KCNK10: variants seen among roughly 807,000 people sequenced by gnomAD.
The protein encoded by KCNK10 is potassium two pore domain channel subfamily K member 10.
KCNK10 carries 25 observed loss-of-function variants against 47.7 expected under a neutral mutation model. That is an observed-to-expected ratio of 0.52 (90% CI 0.38 to 0.73). The LOEUF (loss-of-function observed/expected upper bound fraction) is 0.73. Ranked by LOEUF, KCNK10 falls within the 30% of genes least tolerant of loss-of-function variation. The pLI is 0.00. For missense variants in KCNK10, 563 were observed against 714.5 expected, an observed-to-expected ratio of 0.79 and a Z score of 2.42; for synonymous variants, 303 against 285.6, an observed-to-expected ratio of 1.06 and a Z score of -0.61.
Position 88,183,298 on chromosome 14 carries a change from C to T in KCNK10, c.*2237G>A, listed in dbSNP as rs1884429581. 6.6e-6 allele frequency: 1 copy of T among 152,274 alleles called. No homozygotes were observed. The highest frequency in any genetic ancestry group is 2.1e-4 in the South Asian group (1 of 4,832). The allele number at this position is 152,274 out of a possible 1,614,324, so 9.4% of individuals were successfully genotyped here. A position where few individuals can be genotyped will look rare whatever the true frequency, so the allele number is the denominator to read the frequency against. On this transcript the variant is annotated 3_prime_UTR_variant, in exon 7 of 7. Coordinates refer to ENST00000319231, the MANE Select transcript of KCNK10 (RefSeq NM_138317.3). ...AAAGTGCCTAATCCTGTGCCTGGCC[C>T]ACAGAAGGCACTGGATAAATGAGAG...
chr14:88,205,669 C>T (rs1169942892), intron 4 of KCNK10, among the ~76,000 whole-genome samples: 1 of 151,548 alleles, frequency 6.6e-6, no homozygotes, highest in Non-Finnish European at 1.5e-5. Context: ...CTCAGCCTCC[C>T]GAGTAGCTGG....
chr14:88,281,461 G>T (rs555040578), intron 1 of KCNK10, among the ~76,000 whole-genome samples: 7 of 152,258 alleles, frequency 4.6e-5, no homozygotes, highest in Admixed American at 4.6e-4. Context: ...ACATCCTATC[G>T]GTTGGAGGCC....
intron 1 of KCNK10, among the ~76,000 whole-genome samples, chr14:88,303,114 C>T (rs1410505234): frequency 6.6e-6 from 1 of 152,132 alleles, no homozygotes; most frequent in Non-Finnish European, 1.5e-5. Flanking sequence ...TACTTCACTC[C>T]CTTCCCTGCT....
chr14:88,294,709 A>G (rs17124433), intron 1 of KCNK10, among the ~76,000 whole-genome samples: 22,596 of 152,232 alleles, frequency 0.15, 2,207 homozygotes, highest in East Asian at 0.44. Flanking sequence ...TCTTTAAAAT[A>G]CAAATTCCAG....
chr14:88,192,358 A>G lies in KCNK10; in HGVS notation c.734T>C (p.Ile245Thr). Residue 245 changes from isoleucine (I) to threonine (T), a missense_variant, in exon 5 of 7, where the codon ATC becomes ACC. Transcript: ENST00000319231. ...CACAAACACAATGCAGCCGGCCAAG[A>G]TGAACAGGATGGTTGAGATGACCCG... ...KIRVISTILF[I>T]LAGCIVFVTI... 1.2e-6 allele frequency: 2 copies of G among 1,614,144 alleles called. No individual in the cohort carries two copies. The highest frequency in any genetic ancestry group is 2.2e-5 in the East Asian group (1 of 44,872).
At chr14:88,279,364 CGTGTGT>C (rs58319931) in intron 1 of KCNK10, among the ~76,000 whole-genome samples, 26,245 of 137,442 alleles carry the variant, frequency 0.19, 2,891 homozygotes, top group East Asian at 0.45. Flanking sequence ...TTGCCAGATA[CGTGTGT>C]GTGTGTGTGT....
chr14:88,227,374 C>T lies in KCNK10; in HGVS notation c.681+1G>A. On this transcript the variant is annotated splice_donor_variant, in intron 4 of 6. Transcript: ENST00000319231. LOFTEE classifies it high-confidence loss of function. ...GAATTTAAATATGACACAGTACTCA[C>T]TCGAAAGACCTTCTCCACTCTTGCA... is the stretch of plus-strand genomic sequence containing the variant. 1 of 1,606,894 alleles carries T rather than the reference C, an allele frequency of 6.2e-7. No homozygotes were observed. Among genetic ancestry groups the T allele is most frequent in the Non-Finnish European group, 8.5e-7 (1 of 1,177,286 alleles).
chr14:88,190,569 T>A (rs1884711684), intron 5 of KCNK10, among the ~76,000 whole-genome samples: 1 of 151,974 alleles, frequency 6.6e-6, no homozygotes, highest in East Asian at 1.9e-4. Context: ...ATGGGTAGAG[T>A]CCCAGGCTAC....
chr14:88,292,721 C>A (rs1291665142), intron 1 of KCNK10, among the ~76,000 whole-genome samples: 2 of 152,098 alleles, frequency 1.3e-5, no homozygotes, highest in Non-Finnish European at 2.9e-5. Flanking sequence ...CAAAGCCCTC[C>A]CCACTTGTTC....
upstream of KCNK10, chr14:88,326,416 T>G (rs1479621088): frequency 6.2e-7 from 1 of 1,612,900 alleles, no homozygotes; most frequent in Admixed American, 1.7e-5. Flanking sequence ...GGACTTCACT[T>G]ACCCAAGGAA....
Position 88,263,248 on chromosome 14 carries a change from C to T in KCNK10, c.356G>A (p.Arg119Gln), listed in dbSNP as rs777722776. 9.3e-6 allele frequency: 15 copies of T among 1,614,186 alleles called. No homozygotes were observed. The highest frequency in any genetic ancestry group is 3.3e-5 in the Admixed American group (2 of 60,024). ...TIALEKAEFL[R>Q]DHVCVSPQEL... ...CTGGGGGCTCACACAGACATGATCC[C>T]GCAGGAATTCCGCCTTCTCCAAGGC... The change falls in exon 2 of 7, where the codon CGG (arginine) becomes CAG (glutamine). Residue 119 changes from arginine (R) to glutamine (Q), a missense_variant. Arg to Gln is a conservative substitution (Grantham distance 43, BLOSUM62 1). Transcript: ENST00000319231.
At chr14:88,301,781 G>A (rs1444041624) in intron 1 of KCNK10, among the ~76,000 whole-genome samples, 1 of 152,188 alleles carries the variant, frequency 6.6e-6, no homozygotes, top group Admixed American at 6.5e-5. Flanking sequence ...AAGGAGGTCA[G>A]CACAGCCAGC....
At chr14:88,313,335 T>C (rs572295122) in intron 1 of KCNK10, among the ~76,000 whole-genome samples, 1 of 152,304 alleles carries the variant, frequency 6.6e-6, no homozygotes, top group African/African-American at 2.4e-5. Flanking sequence ...CCTTCCAACG[T>C]GAATGTGATC....
Position 88,181,010 on chromosome 14 carries a change from A to G in KCNK10, c.*4525T>C. On this transcript the variant is annotated 3_prime_UTR_variant, in exon 7 of 7. Transcript: ENST00000319231. ...TGCACACAATTGCATCCTAACAGTG[A>G]GAAAGAATAACCCCATATTAGCAAA... 5.1e-6 allele frequency: 2 copies of G among 395,596 alleles called. No homozygotes were observed. The highest frequency in any genetic ancestry group is 3.6e-5 in the East Asian group (1 of 28,080). 24.5% of individuals were successfully genotyped at this position (395,596 alleles called of 1,614,324 possible).
Position 88,322,826 on chromosome 14 carries a change from T to C in KCNK10, c.-28A>G. ...CTTCGTTGCCCAGAAGGGGAAGAAA[T>C]GAAAAGAACCCAAATAATAATAAAG... On this transcript the variant is annotated 5_prime_UTR_variant, in exon 1 of 7. Transcript: ENST00000319231. The surrounding 1 kb of genome is among the most constrained non-coding windows in gnomAD (Gnocchi z 4.8). 6.2e-7 allele frequency: 1 copy of C among 1,613,926 alleles called. No individual in the cohort carries two copies. The highest frequency in any genetic ancestry group is 8.5e-7 in the Non-Finnish European group (1 of 1,179,940).
At chr14:88,297,490 G>A (rs1413743513) in intron 1 of KCNK10, among the ~76,000 whole-genome samples, 1 of 152,222 alleles carries the variant, frequency 6.6e-6, no homozygotes, top group Non-Finnish European at 1.5e-5. Flanking sequence ...TCAGGGCACA[G>A]TTTTGGTTCC....
chr14:88,243,459 C>T (rs1886537263), intron 2 of KCNK10, among the ~76,000 whole-genome samples: 1 of 152,172 alleles, frequency 6.6e-6, no homozygotes, highest in African/African-American at 2.4e-5. Context: ...CCTTTGGTAC[C>T]TAGAATGCAT....
intron 4 of KCNK10, among the ~76,000 whole-genome samples, chr14:88,221,854 G>C (rs370343863): frequency 1.3e-5 from 2 of 152,082 alleles, no homozygotes; most frequent in Non-Finnish European, 2.9e-5. Context: ...CCAGAAAATG[G>C]AATATTATTC....
intron 4 of KCNK10, among the ~76,000 whole-genome samples, chr14:88,209,013 G>C (rs1885371433): frequency 6.6e-6 from 1 of 152,130 alleles, no homozygotes; most frequent in Admixed American, 6.5e-5. Flanking sequence ...ATTCACTTCT[G>C]CCAAGGAACG....
Sources: gnomAD v4.1 joint callset for allele counts (sites outside exome capture counted in the v4.1 genomes callset) on GRCh38, gnomAD v4.1.1 for gene constraint, Gnocchi (gnomAD v3.1) non-coding constraint, MANE v1.5 for transcripts, NCBI Gene and HGNC (gene_info 2026-07-23, HGNC 2026-07-21) for gene names.